Variants in MLF1 observed in about 807,000 individuals in gnomAD.
MLF1 encodes myelodysplasia-myeloid leukemia factor 1.
MLF1 carries 37 observed loss-of-function variants against 38.3 expected under a neutral mutation model. The ratio of observed to expected loss-of-function variants is 0.96; its 90% CI spans 0.74 to 1.27. MLF1 has a LOEUF of 1.27. MLF1 is among the 50% of genes most tolerant of loss of function. The pLI, the probability that MLF1 is intolerant of heterozygous loss-of-function variation, is 0.00. For synonymous variants in MLF1, 95 were observed against 106.5 expected, an observed-to-expected ratio of 0.89 and a Z score of 0.66; for missense variants, 331 against 349.2, an observed-to-expected ratio of 0.95 and a Z score of 0.42.
chr3:158,598,111 C>G lies in MLF1; in HGVS notation c.356C>G (p.Ser119Ter). The G allele has an allele frequency of 6.2e-7, 1 of 1,613,426 alleles. No homozygotes were observed. Among genetic ancestry groups the G allele is most frequent in the Non-Finnish European group, 8.5e-7 (1 of 1,179,714 alleles). Reference sequence around the variant, plus strand: ...CTTTCAGTGGATCCAAATGGACATTCATTTTGTTCTTCCTCAGTTATGACT... The same window carrying G: ...CTTTCAGTGGATCCAAATGGACATTGATTTTGTTCTTCCTCAGTTATGACT... ...GQLSVDPNGH[S>*]FCSSSVMTYS... is the part of the protein sequence containing the mutation. Residue 119 changes from serine (S) to a stop codon, truncating the protein, a stop_gained, in exon 5 of 8, where the codon TCA (serine) becomes TGA (stop). Coordinates refer to ENST00000466246, the MANE Select transcript of MLF1 (RefSeq NM_001369783.1). LOFTEE classifies it high-confidence loss of function.
intron 1 of MLF1, chr3:158,573,479 A>G (rs1714896971): frequency 6.6e-6 from 1 of 150,990 alleles, no homozygotes; most frequent in Non-Finnish European, 1.5e-5. Context: ...CAGTGAAGTA[A>G]TGTGATGCCC....
At chr3:158,586,264 T>TA (rs888998115) in intron 1 of MLF1, among the ~76,000 whole-genome samples, 2 of 151,518 alleles carry the variant, frequency 1.3e-5, no homozygotes, top group African/African-American at 2.4e-5. Context: ...TTTGATACAT[T>TA]AAAAAAATAT....
chr3:158,576,450 CCT>C (rs1715437866), intron 1 of MLF1, among the ~76,000 whole-genome samples: 1 of 152,066 alleles, frequency 6.6e-6, no homozygotes, highest in African/African-American at 2.4e-5. Flanking sequence ...GTTTTGGCAT[CCT>C]GTACCCTAAA....
At chr3:158,581,766 T>A (rs6441208) in intron 1 of MLF1, among the ~76,000 whole-genome samples, 24,785 of 152,234 alleles carry the variant, frequency 0.16, 2,043 homozygotes, top group Middle Eastern at 0.2. Context: ...AGACCAGGAA[T>A]TTTTTTAAAC....
Position 158,571,242 on chromosome 3 carries a change from C to T in MLF1, c.-59C>T. 5 of 1,399,898 alleles carry T rather than the reference C, an allele frequency of 3.6e-6. No individual in the cohort carries two copies. Among genetic ancestry groups the T allele is most frequent in the Middle Eastern group, 2.0e-4 (1 of 4,988 alleles). The allele number at this position is 1,399,898 out of a possible 1,614,324, so 86.7% of individuals were successfully genotyped here. A position where few individuals can be genotyped will look rare whatever the true frequency, so the allele number is the denominator to read the frequency against. On this transcript the variant is annotated 5_prime_UTR_variant, in exon 1 of 8. Transcript: ENST00000466246. Reference sequence around the variant, plus strand: ...AGGCTAGCTCTTGTCGCGGCCGCGGCGAGTTAACATCGTTTTTCCAATCTG... The same window carrying T: ...AGGCTAGCTCTTGTCGCGGCCGCGGTGAGTTAACATCGTTTTTCCAATCTG...
chr3:158,588,251 C>T (rs1717559194), intron 1 of MLF1, among the ~76,000 whole-genome samples: 3 of 152,188 alleles, frequency 2.0e-5, no homozygotes, highest in South Asian at 4.1e-4. Context: ...TTGCAGCCTA[C>T]AGAGAGGCCC....
At chr3:158,598,505 C>T (rs73024704) in intron 5 of MLF1, among the ~76,000 whole-genome samples, 2,620 of 145,370 alleles carry the variant, frequency 0.018, 74 homozygotes, top group African/African-American at 0.063. Flanking sequence ...AAACAAAACA[C>T]GAAAAGAAGC....
chr3:158,586,945 T>A (rs1219458735), intron 1 of MLF1, among the ~76,000 whole-genome samples: 1 of 152,240 alleles, frequency 6.6e-6, no homozygotes, highest in East Asian at 1.9e-4. Flanking sequence ...AAAATTAGCT[T>A]TAGACCTTCA....
At chr3:158,578,113 A>G (rs577994646) in intron 1 of MLF1, among the ~76,000 whole-genome samples, 11 of 152,276 alleles carry the variant, frequency 7.2e-5, no homozygotes, top group Non-Finnish European at 1.3e-4. Context: ...GTATCAAAAC[A>G]TGGATCTTCT....
Position 158,571,218 on chromosome 3 carries a change from G to A in MLF1, c.-83G>A. On this transcript the variant is annotated 5_prime_UTR_variant, in exon 1 of 8. Transcript: ENST00000466246. Reference sequence around the variant, plus strand: ...CGAGTGAGGCGTCGTCCGTACTGGAGGCTAGCTCTTGTCGCGGCCGCGGCG... The same window carrying A: ...CGAGTGAGGCGTCGTCCGTACTGGAAGCTAGCTCTTGTCGCGGCCGCGGCG... 8.7e-7 allele frequency: 1 copy of A among 1,155,058 alleles called. No homozygotes were observed. Among genetic ancestry groups the A allele is most frequent in the South Asian group, 1.3e-5 (1 of 77,206 alleles). The allele number at this position is 1,155,058 out of a possible 1,614,324, so 71.6% of individuals were successfully genotyped here.
intron 3 of MLF1, among the ~76,000 whole-genome samples, chr3:158,595,546 C>T (rs568502488): frequency 2.6e-5 from 4 of 152,182 alleles, no homozygotes; most frequent in East Asian, 3.9e-4. Flanking sequence ...GAAATAAGAA[C>T]GGATTCTCAA....
intron 4 of MLF1, 85 bp from the exon 5 acceptor site, chr3:158,597,995 C>A: frequency 1.5e-6 from 2 of 1,374,966 alleles, no homozygotes; most frequent in Non-Finnish European, 2.0e-6. Flanking sequence ...GTAGAACTTA[C>A]AGCTAGTGTT....
At chr3:158,584,947 A>G (rs1328860429) in intron 1 of MLF1, among the ~76,000 whole-genome samples, 1 of 145,404 alleles carries the variant, frequency 6.9e-6, no homozygotes, top group African/African-American at 2.5e-5. Context: ...CTGAGGTGGG[A>G]GGATCATTTG....
chr3:158,596,443 C>T (rs779704360), intron 3 of MLF1, among the ~76,000 whole-genome samples: 27 of 152,016 alleles, frequency 1.8e-4, no homozygotes, highest in Non-Finnish European at 2.5e-4. Flanking sequence ...GCATCTTATA[C>T]GCAAATTTAG....
At chr3:158,573,013 A>G (rs1158072526) in intron 1 of MLF1, among the ~76,000 whole-genome samples, 2 of 151,684 alleles carry the variant, frequency 1.3e-5, no homozygotes, top group Non-Finnish European at 2.9e-5. Context: ...TGCAGGTGAC[A>G]TAACTACCAT....
intron 1 of MLF1, among the ~76,000 whole-genome samples, chr3:158,581,085 A>G (rs1413451024): frequency 1.3e-5 from 2 of 152,186 alleles, no homozygotes; most frequent in African/African-American, 2.4e-5. Context: ...CTCTGCCCCC[A>G]TAATTGGAGA....
chr3:158,593,264 A>G (rs1037630028), intron 2 of MLF1, 118 bp from the exon 3 acceptor site: 27 of 719,396 alleles, frequency 3.8e-5, no homozygotes, highest in South Asian at 1.2e-4. Flanking sequence ...TTCTATAAAG[A>G]TGAATCTCAG....
chr3:158,602,427 A>T (rs1322002945), intron 6 of MLF1, among the ~76,000 whole-genome samples: 1 of 152,176 alleles, frequency 6.6e-6, no homozygotes, highest in Admixed American at 6.5e-5. Flanking sequence ...ACACAGAAAG[A>T]TGGTTAGGTG....
chr3:158,598,920 T>TAAAGGGA (rs1360717663), intron 5 of MLF1, among the ~76,000 whole-genome samples: 2 of 152,340 alleles, frequency 1.3e-5, no homozygotes, highest in East Asian at 3.9e-4. Flanking sequence ...ATAAAGGGTA[T>TAAAGGGA]CATATTGCAT....
Sources: gnomAD v4.1 joint callset for allele counts (sites outside exome capture counted in the v4.1 genomes callset) on GRCh38, gnomAD v4.1.1 for gene constraint, MANE v1.5 for transcripts, NCBI Gene and HGNC (gene_info 2026-07-23, HGNC 2026-07-21) for gene names.